The following TFAP2E variants were observed in gnomAD, a reference collection of about 807,000 sequenced individuals.
TFAP2E encodes transcription factor AP-2 epsilon.
TFAP2E carries 30 observed loss-of-function variants against 37.9 expected under a neutral mutation model. That is an observed-to-expected ratio of 0.79 (90% CI 0.59 to 1.07). The LOEUF (loss-of-function observed/expected upper bound fraction) is 1.07, where lower values mean the gene tolerates loss of function less well. Among genes scored for constraint, TFAP2E ranks in the 50% least tolerant of loss-of-function variants. The probability of loss-of-function intolerance (pLI) is 0.00; values close to 1 mark genes in which losing one functional copy is unlikely to be tolerated. For synonymous variants in TFAP2E, 318 were observed against 295.8 expected, an observed-to-expected ratio of 1.08 and a Z score of -0.77; for missense variants, 567 against 637.9, an observed-to-expected ratio of 0.89 and a Z score of 1.20.
At chr1:35,580,471 C>G (rs1649317278) in intron 3 of TFAP2E, among the ~76,000 whole-genome samples, 1 of 151,790 alleles carries the variant, frequency 6.6e-6, no homozygotes, top group African/African-American at 2.4e-5. Flanking sequence ...GTTAAAAATG[C>G]AAATTTTGGC....
intron 2 of TFAP2E, 114 bp from the exon 3 acceptor site, chr1:35,574,835 C>A: frequency 6.9e-7 from 1 of 1,453,842 alleles, no homozygotes; most frequent in South Asian, 1.1e-5. Context: ...CCGCCCCAAG[C>A]GAAGCTGGTG....
intron 6 of TFAP2E, among the ~76,000 whole-genome samples, chr1:35,594,083 G>T (rs1361702609): frequency 2.0e-5 from 3 of 152,168 alleles, no homozygotes. Flanking sequence ...GGGAATCCAG[G>T]AAAGTTTCCT....
chr1:35,594,634 T>C lies in TFAP2E; in HGVS notation c.1287T>C (p.Gly429=), dbSNP rs1232623674. ...TAAGCAGTGTGGGCAGTGGGCATGG[T>C]GAAACCAAGGCTTCGGAGAAGGATG... ...MFLSSVGSGH[G]ETKASEKDAK... Residue 429 remains glycine (G), a synonymous_variant, in exon 7 of 7, where the codon GGT becomes GGC. Coordinates refer to ENST00000373235, the MANE Select transcript of TFAP2E (RefSeq NM_178548.4). 1 of 1,614,148 alleles carries C rather than the reference T, an allele frequency of 6.2e-7. No homozygotes were observed. The highest frequency in any genetic ancestry group is 1.7e-5 in the Admixed American group (1 of 60,024).
chr1:35,587,740 G>C (rs767033065), intron 3 of TFAP2E, among the ~76,000 whole-genome samples: 7 of 152,078 alleles, frequency 4.6e-5, no homozygotes, highest in African/African-American at 1.4e-4. Flanking sequence ...GTTTGGGGAG[G>C]GGGTATAGGG....
Position 35,574,351 on chromosome 1 carries a change from C to A in TFAP2E, c.452C>A (p.Ala151Glu). Residue 151 changes from alanine to glutamate, a missense_variant, in exon 2 of 7, where the codon GCA becomes GAA. By Grantham distance (107) the Ala-to-Glu change is moderately radical. Coordinates refer to ENST00000373235, the MANE Select transcript of TFAP2E (RefSeq NM_178548.4). ...CTGGCCGACGGCGCGCACGGCCTGG[C>A]AGACGCACCTCTCGGCCTTCCGGGG... ...HGLADGAHGLADAPLGLPGLA... is the reference protein window; with the variant it reads ...HGLADGAHGLEDAPLGLPGLA... 6.9e-7 allele frequency: 1 copy of A among 1,448,956 alleles called. No individual in the cohort carries two copies. Among genetic ancestry groups the A allele is most frequent in the Non-Finnish European group, 9.0e-7 (1 of 1,113,412 alleles). 89.8% of individuals were successfully genotyped at this position (1,448,956 alleles called of 1,614,324 possible).
intron 3 of TFAP2E, among the ~76,000 whole-genome samples, chr1:35,587,734 G>A (rs1037391425): frequency 6.6e-6 from 1 of 151,994 alleles, no homozygotes; most frequent in African/African-American, 2.4e-5. Flanking sequence ...GGGAGTGTTT[G>A]GGGAGGGGGT....
At chr1:35,589,892 T>G (rs1467001084) in intron 4 of TFAP2E, 38 bp from the exon 5 acceptor site, 1 of 1,607,192 alleles carries the variant, frequency 6.2e-7, no homozygotes, top group East Asian at 2.2e-5. Flanking sequence ...TCTCTTGTCT[T>G]CATAGTTGTA....
At chr1:35,587,606 C>G (rs1022822633) in intron 3 of TFAP2E, among the ~76,000 whole-genome samples, 2 of 140,830 alleles carry the variant, frequency 1.4e-5, no homozygotes, top group African/African-American at 5.6e-5. Flanking sequence ...CCACTGCACT[C>G]CAGCCTGGTG....
In TFAP2E at chr1:35,574,105, C is replaced by T. The variant is rs1025051379; in HGVS notation, c.206C>T (p.Ala69Val). 18 of 1,463,326 alleles carry T rather than the reference C, an allele frequency of 1.2e-5. No individual in the cohort carries two copies. Among genetic ancestry groups the T allele is most frequent in the Non-Finnish European group, 1.6e-5 (18 of 1,110,078 alleles). The allele number at this position is 1,463,326 out of a possible 1,614,324, so 90.6% of individuals were successfully genotyped here. The change falls in exon 2 of 7, where the codon GCG (alanine) becomes GTG (valine). Residue 69 changes from alanine to valine, a missense_variant. Transcript: ENST00000373235. ...YPQPPLPYGQ[A>V]PDAAAAFPHL... is the part of the protein sequence containing the mutation. Reference sequence around the variant, plus strand: ...CAGCCACCGCTGCCCTACGGTCAGGCGCCCGACGCCGCCGCAGCCTTTCCC... The same window carrying T: ...CAGCCACCGCTGCCCTACGGTCAGGTGCCCGACGCCGCCGCAGCCTTTCCC...
At chr1:35,579,642 G>A (rs1322473412) in intron 3 of TFAP2E, among the ~76,000 whole-genome samples, 3 of 152,004 alleles carry the variant, frequency 2.0e-5, no homozygotes, top group South Asian at 2.1e-4. Flanking sequence ...TGACCTGCCC[G>A]CTTCAGCCAC....
At chr1:35,579,323 G>A (rs975270637) in intron 3 of TFAP2E, among the ~76,000 whole-genome samples, 2 of 151,680 alleles carry the variant, frequency 1.3e-5, no homozygotes, top group African/African-American at 2.4e-5. Context: ...TTGAACCTGC[G>A]GGGCGGAGGT....
chr1:35,589,307 G>T (rs1649585022), intron 4 of TFAP2E, among the ~76,000 whole-genome samples: 1 of 150,938 alleles, frequency 6.6e-6, no homozygotes, highest in African/African-American at 2.4e-5. Context: ...AGTGGCATGT[G>T]TGCAGTCATA....
chr1:35,582,508 CTTT>C (rs749452012), intron 3 of TFAP2E, among the ~76,000 whole-genome samples: 1 of 129,750 alleles, frequency 7.7e-6, no homozygotes, highest in Admixed American at 7.8e-5. Flanking sequence ...TAAAAATTAT[CTTT>C]TTTTTTTTTT....
At chr1:35,580,320 G>C (rs1649312892) in intron 3 of TFAP2E, among the ~76,000 whole-genome samples, 1 of 152,178 alleles carries the variant, frequency 6.6e-6, no homozygotes, top group Non-Finnish European at 1.5e-5. Context: ...TGCACATGCT[G>C]TGCCCCAGTG....
rs1649770836 is a variant in TFAP2E at position 35,594,397 on chromosome 1, G to C, written c.1050G>C (p.Gln350His). ...CTGACCCTCCTTCTCGCACCAGGCA[G>C]ATCTGCAAGGAGTTTGCAGACTTGA... Reference protein sequence around the residue: ...SRKSMLLAAKQICKEFADLMA... With the variant: ...SRKSMLLAAKHICKEFADLMA... Residue 350 changes from glutamine to histidine, a missense_variant, in exon 7 of 7, where the codon CAG (glutamine) becomes CAC (histidine). Coordinates refer to ENST00000373235, the MANE Select transcript of TFAP2E (RefSeq NM_178548.4). 1 of 1,612,860 alleles carries C rather than the reference G, an allele frequency of 6.2e-7. No homozygotes were observed. The highest frequency in any genetic ancestry group is 1.3e-5 in the African/African-American group (1 of 74,894).
At chr1:35,591,217 C>T (rs1039259242) in intron 6 of TFAP2E, among the ~76,000 whole-genome samples, 8 of 152,294 alleles carry the variant, frequency 5.3e-5, no homozygotes, top group Admixed American at 3.3e-4. Flanking sequence ...TCTTCACAAG[C>T]TCCTGGAGCA....
chr1:35,589,833 C>T, intron 4 of TFAP2E, 97 bp from the exon 5 acceptor site: 1 of 1,246,746 alleles, frequency 8.0e-7, no homozygotes, highest in East Asian at 2.4e-5. Flanking sequence ...TCAACAGGGG[C>T]TGGTGGAGGC....
chr1:35,592,660 T>C (rs892287997), intron 6 of TFAP2E, among the ~76,000 whole-genome samples: 2 of 152,216 alleles, frequency 1.3e-5, no homozygotes. Flanking sequence ...CCCTAAGTGC[T>C]TGGATTATAG....
Position 35,574,172 on chromosome 1 carries a change from G to A in TFAP2E, c.273G>A (p.Ala91=). 1 of 1,405,954 alleles carries A rather than the reference G, an allele frequency of 7.1e-7. No homozygotes were observed. The highest frequency in any genetic ancestry group is 9.3e-7 in the Non-Finnish European group (1 of 1,079,864). 87.1% of individuals were successfully genotyped at this position (1,405,954 alleles called of 1,614,324 possible). The change falls in exon 2 of 7, where the codon GCG becomes GCA. Residue 91 remains alanine, a synonymous_variant. Coordinates refer to ENST00000373235, the MANE Select transcript of TFAP2E (RefSeq NM_178548.4). ...CATATGGCGGCCTGGCGCCCCTGGC[G>A]CAGCCGCAGCCTCCTCAGGCCGCCT... ...GDPYGGLAPL[A]QPQPPQAAWA...
Sources: allele counts gnomAD v4.1 joint callset (sites outside exome capture counted in the v4.1 genomes callset), GRCh38; gene constraint gnomAD v4.1.1; transcripts MANE v1.5; gene names NCBI Gene and HGNC (gene_info 2026-07-23, HGNC 2026-07-21).